The following MGMT variants were observed in gnomAD, a reference collection of about 807,000 sequenced individuals.
The protein encoded by MGMT is O-6-methylguanine-DNA methyltransferase, also known as methylated-DNA--protein-cysteine methyltransferase.
Under a neutral mutation model 15.9 loss-of-function variants are expected in MGMT, and 14 were observed. The observed-to-expected ratio is 0.88, with a 90% CI of 0.58 to 1.37. The LOEUF is 1.37. Ranked by LOEUF, MGMT falls within the 40% of genes most tolerant of loss-of-function variation. The pLI is 0.00. For synonymous variants in MGMT, 130 were observed against 118.2 expected (o/e 1.10, Z -0.65); for missense variants, 282 against 268.1 (o/e 1.05, Z -0.36).
chr10:129,566,563 G>GGTGGAGGTGTT lies in MGMT; in HGVS notation c.125+30188_125+30198dup, dbSNP rs1253000710. On this transcript the variant is annotated intron_variant, in intron 2 of 4. Coordinates refer to ENST00000651593, the MANE Select transcript of MGMT (RefSeq NM_002412.5). This position sits in a 1 kb window ranked among gnomAD's most constrained non-coding sequence, Gnocchi z 4.1. ...TCTCTGGAGGGCCCATCATCATCCTGGTGGAGGTGTTGCACTGAGGACCAC... is the reference window on the plus strand; with the variant it reads ...TCTCTGGAGGGCCCATCATCATCCTGGTGGAGGTGTTGTGGAGGTGTTGCACTGAGGACCAC... Among the ~76,000 whole-genome samples the GGTGGAGGTGTT allele has an allele frequency of 2.0e-5, 3 of 152,116 alleles. No individual in the cohort carries two copies. The highest frequency in any genetic ancestry group is 4.4e-5 in the Non-Finnish European group (3 of 68,010).
At chr10:129,698,551 C>T (rs775841830) in intron 2 of MGMT, among the ~76,000 whole-genome samples, 1 of 152,174 alleles carries the variant, frequency 6.6e-6, no homozygotes, top group Non-Finnish European at 1.5e-5. Context: ...GAAAGAAGAA[C>T]GTGCCCTCAT....
intron 2 of MGMT, among the ~76,000 whole-genome samples, chr10:129,630,936 A>C (rs1424376250): frequency 1.3e-5 from 2 of 152,224 alleles, no homozygotes; most frequent in East Asian, 3.8e-4. Context: ...GTTTTAGAAA[A>C]GTGCATTGCT....
chr10:129,653,395 G>C (rs1455149733), intron 2 of MGMT, among the ~76,000 whole-genome samples: 1 of 152,214 alleles, frequency 6.6e-6, no homozygotes, highest in African/African-American at 2.4e-5. Context: ...AACAGTAACT[G>C]CTCAGTTTCA....
intron 2 of MGMT, among the ~76,000 whole-genome samples, chr10:129,671,182 A>T (rs775445133): frequency 2.8e-4 from 42 of 152,218 alleles, no homozygotes; most frequent in Non-Finnish European, 5.1e-4. Context: ...TTATGTTTGG[A>T]AAGAGAACAC....
chr10:129,595,762 G>A (rs927092424), intron 2 of MGMT, among the ~76,000 whole-genome samples: 5 of 152,108 alleles, frequency 3.3e-5, no homozygotes, highest in African/African-American at 1.2e-4. Context: ...ACTTAAGATT[G>A]TCTAATCCTC....
At chr10:129,557,366 T>C (rs1480135431) in intron 2 of MGMT, among the ~76,000 whole-genome samples, 1 of 152,190 alleles carries the variant, frequency 6.6e-6, no homozygotes, top group East Asian at 1.9e-4. Context: ...GATCTCCTTG[T>C]CTGCTTCTGC....
At chr10:129,505,114 G>T (rs1229633411) in intron 1 of MGMT, among the ~76,000 whole-genome samples, 2 of 152,174 alleles carry the variant, frequency 1.3e-5, no homozygotes, top group Non-Finnish European at 2.9e-5. Context: ...CAAGGAGAAT[G>T]AAGTATTGGG....
At chr10:129,728,026 A>G (rs948692448) in intron 3 of MGMT, among the ~76,000 whole-genome samples, 3 of 152,138 alleles carry the variant, frequency 2.0e-5, no homozygotes, top group Non-Finnish European at 2.9e-5. Flanking sequence ...GAAGGCCATC[A>G]GGTCTCACTG....
chr10:129,520,803 A>T (rs138081124), intron 1 of MGMT, among the ~76,000 whole-genome samples: 8 of 149,438 alleles, frequency 5.4e-5, no homozygotes, highest in Non-Finnish European at 1.2e-4. Flanking sequence ...GTGCGGGTGC[A>T]GAGCCCCTAC....
intron 2 of MGMT, among the ~76,000 whole-genome samples, chr10:129,680,561 C>T (rs192212445): frequency 2.2e-3 from 280 of 129,830 alleles, no homozygotes; most frequent in African/African-American, 6.0e-3. Flanking sequence ...CTTATCCACC[C>T]ACCACTCCTT....
rs967409838 is a variant in MGMT at position 129,556,570 on chromosome 10, G to A, written c.125+20193G>A. Reference sequence around the variant, plus strand: ...CAGCCTCGTCGGTGGGTTTGGTGATGCTGTGCAGTTCAGCTTTACCGTCTT... The same window carrying A: ...CAGCCTCGTCGGTGGGTTTGGTGATACTGTGCAGTTCAGCTTTACCGTCTT... On this transcript the variant is annotated intron_variant, in intron 2 of 4. Transcript: ENST00000651593. The surrounding 1 kb of genome is among the most constrained non-coding windows in gnomAD (Gnocchi z 4.3). Among the ~76,000 whole-genome samples, 6 of 152,166 alleles carry A rather than the reference G, an allele frequency of 3.9e-5. No individual in the cohort carries two copies. The highest frequency in any genetic ancestry group is 1.2e-4 in the African/African-American group (5 of 41,432).
At chr10:129,731,535 A>G (rs1448479400) in intron 3 of MGMT, among the ~76,000 whole-genome samples, 4 of 151,630 alleles carry the variant, frequency 2.6e-5, no homozygotes, top group African/African-American at 7.3e-5. Context: ...AGCTGGGATT[A>G]CAGGCACCCG....
chr10:129,571,764 T>C (rs1460041833), intron 2 of MGMT, among the ~76,000 whole-genome samples: 3 of 152,248 alleles, frequency 2.0e-5, no homozygotes, highest in African/African-American at 7.2e-5. Flanking sequence ...AACCGCCGTG[T>C]GTTTTATTTG....
intron 4 of MGMT, 67 bp from the exon 5 acceptor site, chr10:129,766,721 G>A: frequency 6.9e-7 from 1 of 1,439,442 alleles, no homozygotes; most frequent in Non-Finnish European, 9.5e-7. Context: ...TCAGGGCCTT[G>A]GCCTTGACCC....
At chr10:129,591,993 A>G (rs1182842329) in intron 2 of MGMT, among the ~76,000 whole-genome samples, 1 of 152,232 alleles carries the variant, frequency 6.6e-6, no homozygotes, top group Non-Finnish European at 1.5e-5. Flanking sequence ...TAATTGTACT[A>G]CAAACTGACC....
intron 2 of MGMT, among the ~76,000 whole-genome samples, chr10:129,577,755 C>T (rs891829143): frequency 6.6e-5 from 10 of 152,128 alleles, no homozygotes; most frequent in African/African-American, 2.2e-4. Context: ...AGGCAACCTA[C>T]AGAATAGGAG....
At chr10:129,649,069 A>C (rs925820508) in intron 2 of MGMT, among the ~76,000 whole-genome samples, 1 of 152,096 alleles carries the variant, frequency 6.6e-6, no homozygotes, top group Admixed American at 6.6e-5. Context: ...ACCCTTTTCC[A>C]TGTCTGCCCT....
At chr10:129,500,952 A>G (rs1845568479) in intron 1 of MGMT, among the ~76,000 whole-genome samples, 2 of 152,212 alleles carry the variant, frequency 1.3e-5, no homozygotes, top group Non-Finnish European at 2.9e-5. Flanking sequence ...TTTCATGTAA[A>G]TTTAAAACTA....
At chr10:129,500,840 C>T (rs1279046371) in intron 1 of MGMT, among the ~76,000 whole-genome samples, 5 of 152,150 alleles carry the variant, frequency 3.3e-5, no homozygotes, top group South Asian at 2.1e-4. Context: ...CATGAGCCAC[C>T]GCACGCAGCC....
Sources: allele counts gnomAD v4.1 joint callset (sites outside exome capture counted in the v4.1 genomes callset), GRCh38; gene constraint gnomAD v4.1.1; non-coding constraint Gnocchi (gnomAD v3.1); transcripts MANE v1.5; gene names NCBI Gene and HGNC (gene_info 2026-07-23, HGNC 2026-07-21).